CYYR1: variants seen among roughly 807,000 people sequenced by gnomAD.
CYYR1 encodes the protein cysteine and tyrosine rich 1.
A neutral mutation model predicts 15.2 loss-of-function variants in CYYR1; 14 were observed. The observed-to-expected ratio is 0.92, with a 90% CI of 0.61 to 1.44. The LOEUF (loss-of-function observed/expected upper bound fraction) is 1.44. Ranked by LOEUF, CYYR1 falls within the 40% of genes most tolerant of loss-of-function variation. CYYR1 has a pLI of 0.00. For synonymous variants in CYYR1, 80 were observed against 77.4 expected, an observed-to-expected ratio of 1.03 and a Z score of -0.18; for missense variants, 228 against 209.5, an observed-to-expected ratio of 1.09 and a Z score of -0.54.
In CYYR1 at chr21:26,483,442, A is replaced by C. The variant is rs1022955076; in HGVS notation, c.177-3013T>G. On this transcript the variant is annotated intron_variant, in intron 2 of 3. Coordinates refer to ENST00000652641, the MANE Select transcript of CYYR1 (RefSeq NM_001320768.2). ...AAAAAAAAAAAAGCTTGAAGTAGCTACTTGGAAGTTTAGTTTGCAAGCCAG... is the reference window on the plus strand; with the variant it reads ...AAAAAAAAAAAAGCTTGAAGTAGCTCCTTGGAAGTTTAGTTTGCAAGCCAG... 3.1e-6 allele frequency: 3 copies of C among 979,384 alleles called. No homozygotes were observed. In the African/African-American group the frequency reaches 5.3e-5, roughly 17 times the overall value. 60.7% of individuals were successfully genotyped at this position (979,384 alleles called of 1,614,324 possible).
At chr21:26,542,832 A>C (rs1050786176) in intron 2 of CYYR1, among the ~76,000 whole-genome samples, 24 of 152,218 alleles carry the variant, frequency 1.6e-4, no homozygotes, top group Admixed American at 1.5e-3. Context: ...ACTCTGCAGC[A>C]ACAAACAACT....
chr21:26,524,700 T>C (rs2123575768), intron 2 of CYYR1, among the ~76,000 whole-genome samples: 1 of 152,366 alleles, frequency 6.6e-6, no homozygotes, highest in East Asian at 1.9e-4. Flanking sequence ...CATTTTTGTG[T>C]ACACATATAA....
intron 2 of CYYR1, among the ~76,000 whole-genome samples, chr21:26,493,930 C>T (rs1601748890): frequency 2.0e-5 from 3 of 152,314 alleles, no homozygotes; most frequent in Admixed American, 6.5e-5. Flanking sequence ...GTTTGCTTTA[C>T]TTGTATTATC....
intron 2 of CYYR1, among the ~76,000 whole-genome samples, chr21:26,492,933 AGAGT>A (rs1266482540): frequency 1.3e-5 from 2 of 151,926 alleles, no homozygotes; most frequent in Non-Finnish European, 2.9e-5. Flanking sequence ...AGCATGTGTG[AGAGT>A]GTGTGTGAGT....
At chr21:26,495,239 G>A (rs1429626774) in intron 2 of CYYR1, among the ~76,000 whole-genome samples, 1 of 152,138 alleles carries the variant, frequency 6.6e-6, no homozygotes, top group African/African-American at 2.4e-5. Context: ...TGGGCAGAGA[G>A]CGGTAGATCT....
At chr21:26,533,178 T>C (rs1284177895) in intron 2 of CYYR1, among the ~76,000 whole-genome samples, 1 of 149,468 alleles carries the variant, frequency 6.7e-6, no homozygotes, top group South Asian at 2.1e-4. Flanking sequence ...CTATTTACTA[T>C]AGTAAATACA....
intron 2 of CYYR1, among the ~76,000 whole-genome samples, chr21:26,490,775 C>T (rs886421177): frequency 5.3e-5 from 8 of 152,284 alleles, no homozygotes; most frequent in Middle Eastern, 3.4e-3. Flanking sequence ...ATTTCCACCA[C>T]GGAGCTGAGT....
chr21:26,568,143 A>G (rs1980770329), intron 1 of CYYR1: 1 of 152,240 alleles, frequency 6.6e-6, no homozygotes, highest in Non-Finnish European at 1.5e-5. Flanking sequence ...TGCTTTTTGC[A>G]GAGTACAACA....
At chr21:26,520,242 C>A (rs1039984327) in intron 2 of CYYR1, among the ~76,000 whole-genome samples, 1 of 151,374 alleles carries the variant, frequency 6.6e-6, no homozygotes, top group Non-Finnish European at 1.5e-5. Flanking sequence ...CCCCTACCCC[C>A]CAACAGGCCC....
At chr21:26,480,656 C>A (rs779635288) in intron 2 of CYYR1, among the ~76,000 whole-genome samples, 2 of 151,868 alleles carry the variant, frequency 1.3e-5, no homozygotes, top group Non-Finnish European at 2.9e-5. Flanking sequence ...AAATCCTCTT[C>A]TAGCACCGTT....
chr21:26,566,306 A>AG lies in CYYR1; in HGVS notation c.135dup (p.Tyr46LeufsTer150). The AG allele has an allele frequency of 6.2e-7, 1 of 1,613,928 alleles. No individual in the cohort carries two copies. The highest frequency in any genetic ancestry group is 8.5e-7 in the Non-Finnish European group (1 of 1,179,878). ...ATATAAGCGTAGTAGGAGCAACAGT[A>AG]GGGCGTGGTTCCATCACAGCAGTAA... On this transcript the variant is annotated frameshift_variant, in exon 2 of 4. Coordinates refer to ENST00000652641, the MANE Select transcript of CYYR1 (RefSeq NM_001320768.2). LOFTEE classifies it high-confidence loss of function.
intron 2 of CYYR1, among the ~76,000 whole-genome samples, chr21:26,501,503 A>G: frequency 6.6e-6 from 1 of 152,252 alleles, no homozygotes. Context: ...TTTCTAAAGC[A>G]TCACATTCAC....
chr21:26,566,170 T>G, intron 2 of CYYR1, 96 bp downstream of exon 2: 1 of 839,352 alleles, frequency 1.2e-6, no homozygotes, highest in Non-Finnish European at 1.9e-6. Flanking sequence ...TTGAAATCTC[T>G]TGCCCACAAC....
chr21:26,504,139 G>A (rs1422032208), intron 2 of CYYR1, among the ~76,000 whole-genome samples: 1 of 152,070 alleles, frequency 6.6e-6, no homozygotes, highest in Non-Finnish European at 1.5e-5. Context: ...CAGTGTCCAA[G>A]TATCTCACGA....
chr21:26,470,220 T>C (rs2065017710), intron 3 of CYYR1, among the ~76,000 whole-genome samples: 1 of 152,200 alleles, frequency 6.6e-6, no homozygotes, highest in South Asian at 2.1e-4. Context: ...GCCATTAAAG[T>C]AATTGCAAAA....
rs112428463 is a variant in CYYR1 at position 26,549,807 on chromosome 21, G to A, written c.176+16459C>T. ...GGTATTATTTGTAATCCACTGACAC[G>A]CCTCATAAACAAAAATTTAAAAAGA... On this transcript the variant is annotated intron_variant, in intron 2 of 3. Transcript: ENST00000652641. Among the ~76,000 whole-genome samples the A allele has an allele frequency of 8.5e-5, 13 of 152,122 alleles. 1 individual carries two copies. The highest frequency in any genetic ancestry group is 1.3e-4 in the Non-Finnish European group (9 of 68,002).
chr21:26,546,815 A>C (rs1380477017), intron 2 of CYYR1, among the ~76,000 whole-genome samples: 1 of 152,200 alleles, frequency 6.6e-6, no homozygotes, highest in African/African-American at 2.4e-5. Context: ...TACTCTGCTT[A>C]CAGCCCTACA....
At chr21:26,493,913 A>G (rs978165426) in intron 2 of CYYR1, among the ~76,000 whole-genome samples, 2 of 152,244 alleles carry the variant, frequency 1.3e-5, no homozygotes, top group Admixed American at 6.5e-5. Context: ...GCATGCATAG[A>G]TAGGAAGTTT....
intron 2 of CYYR1, among the ~76,000 whole-genome samples, chr21:26,501,153 C>G (rs1052471724): frequency 6.6e-6 from 1 of 152,160 alleles, no homozygotes; most frequent in Non-Finnish European, 1.5e-5. Flanking sequence ...TCCTGGCCAA[C>G]ATGGTGAAAC....
Sources: gnomAD v4.1 joint callset for allele counts (sites outside exome capture counted in the v4.1 genomes callset) on GRCh38, gnomAD v4.1.1 for gene constraint, MANE v1.5 for transcripts, NCBI Gene and HGNC (gene_info 2026-07-23, HGNC 2026-07-21) for gene names.